The following EPN1 variants were observed in gnomAD, a reference collection of about 807,000 sequenced individuals.
EPN1 encodes epsin-1.
Under a neutral mutation model 56.9 loss-of-function variants are expected in EPN1, and 25 were observed. The observed-to-expected ratio is 0.44, with a 90% CI of 0.32 to 0.61. The LOEUF is 0.61. EPN1 is among the 20% of genes least tolerant of loss of function. The pLI is 0.05. For synonymous variants in EPN1, 411 were observed against 361.8 expected, an observed-to-expected ratio of 1.14 and a Z score of -1.54; for missense variants, 785 against 823.7, an observed-to-expected ratio of 0.95 and a Z score of 0.58.
At chr19:55,678,046 A>G (rs76206632) in intron 1 of EPN1, among the ~76,000 whole-genome samples, 11,997 of 152,284 alleles carry the variant, frequency 0.079, 627 homozygotes, top group East Asian at 0.29. Flanking sequence ...CCCCAGGGAT[A>G]GGTGACTGTG....
rs201565739 is a variant in EPN1, at chr19:55,691,935, C to T, written c.944C>T (p.Pro315Leu). 5,279 of 1,549,200 alleles carry T rather than the reference C, an allele frequency of 3.4e-3. 22 individuals carry two copies. Among genetic ancestry groups the T allele is most frequent in the Non-Finnish European group, 3.9e-3 (4,433 of 1,149,748 alleles). ...CCCTGGGGAGGTCCAGCCCCCACGC[C>T]GGCCTCTGGGGACCCCTGGAGGCCT... ...ADPWGGPAPT[P>L]ASGDPWRPAA... Residue 315 changes from proline to leucine, a missense_variant, in exon 7 of 11, where the codon CCG (proline) becomes CTG (leucine). This residue lies in a region of EPN1 where 650 missense variants were observed against 605.0 expected (regional missense o/e 1.07). Transcript: ENST00000270460. The surrounding 1 kb of genome is among the most constrained non-coding windows in gnomAD (Gnocchi z 5.6).
Position 55,691,377 on chromosome 19 carries a change from C to T in EPN1, c.763-377C>T, listed in dbSNP as rs566953358. ...CACGGTGGGCAGAGGGAGGATCGAG[C>T]TGCTTCGGGTCGAGCGAGGGGAGGG... On this transcript the variant is annotated intron_variant, in intron 6 of 10. Transcript: ENST00000270460. This position sits in a 1 kb window ranked among gnomAD's most constrained non-coding sequence, Gnocchi z 5.6. Among the ~76,000 whole-genome samples the T allele has an allele frequency of 3.3e-5, 5 of 152,152 alleles. No individual in the cohort carries two copies. Among genetic ancestry groups the T allele is most frequent in the Admixed American group, 6.5e-5 (1 of 15,286 alleles).
intron 2 of EPN1, among the ~76,000 whole-genome samples, chr19:55,681,191 T>C (rs1462491417): frequency 1.3e-5 from 2 of 152,222 alleles, no homozygotes; most frequent in Non-Finnish European, 2.9e-5. Context: ...CCTCCCTGCA[T>C]GGCCTTGGGG....
In EPN1 at chr19:55,697,254, A is replaced by G. The variant is rs1297834578; in HGVS notation, c.*1898A>G. On this transcript the variant is annotated 3_prime_UTR_variant, in exon 11 of 11. Transcript: ENST00000270460. ...TGGGGGAGCCCCACAGGGCACAGAG[A>G]GCCAGCTGAAGGCGGCAGCTCTGGG... The G allele has an allele frequency of 6.6e-6, 1 of 152,068 alleles. No homozygotes were observed. The highest frequency in any genetic ancestry group is 1.5e-5 in the Non-Finnish European group (1 of 68,018). The allele number at this position is 152,068 out of a possible 1,614,324, so 9.4% of individuals were successfully genotyped here. A position where few individuals can be genotyped will look rare whatever the true frequency, so the allele number is the denominator to read the frequency against.
Position 55,689,498 on chromosome 19 carries a change from C to T in EPN1, c.678+127C>T. 1 of 701,918 alleles carries T rather than the reference C, an allele frequency of 1.4e-6. No homozygotes were observed. Among genetic ancestry groups the T allele is most frequent in the South Asian group, 1.7e-5 (1 of 60,564 alleles). The allele number at this position is 701,918 out of a possible 1,614,324, so 43.5% of individuals were successfully genotyped here. On this transcript the variant is annotated intron_variant, in intron 5 of 10. Coordinates refer to ENST00000270460, the MANE Select transcript of EPN1 (RefSeq NM_001130072.2). This position sits in a 1 kb window ranked among gnomAD's most constrained non-coding sequence, Gnocchi z 5.7. The stretch of plus-strand genomic sequence containing the variant: ...GCCCACAGGCTCACGCGTGTTGAAA[C>T]CTCAGTACCTTCAGCCGTAGGATGT...
intron 3 of EPN1, among the ~76,000 whole-genome samples, chr19:55,686,686 C>T (rs947982120): frequency 1.3e-5 from 2 of 152,050 alleles, no homozygotes; most frequent in Middle Eastern, 3.4e-3. Context: ...AGTAGATGGG[C>T]GTGAACGCAG....
chr19:55,689,176 G>T lies in EPN1; in HGVS notation c.604-121G>T. On this transcript the variant is annotated intron_variant, in intron 4 of 10. Coordinates refer to ENST00000270460, the MANE Select transcript of EPN1 (RefSeq NM_001130072.2). This position sits in a 1 kb window ranked among gnomAD's most constrained non-coding sequence, Gnocchi z 5.7. ...TCCCTCTGCGTGTCACTCTCTGCCTGTCCCTCACTGGTTCAGGGACCCCCA... is the reference window on the plus strand; with the variant it reads ...TCCCTCTGCGTGTCACTCTCTGCCTTTCCCTCACTGGTTCAGGGACCCCCA... 2.7e-6 allele frequency: 3 copies of T among 1,125,518 alleles called. No individual in the cohort carries two copies. In the South Asian group the frequency reaches 4.4e-5, roughly 17 times the overall value. 69.7% of individuals were successfully genotyped at this position (1,125,518 alleles called of 1,614,324 possible). A position where few individuals can be genotyped will look rare whatever the true frequency, so the allele number is the denominator to read the frequency against.
At chr19:55,675,902 C>T (rs1380245765) in intron 1 of EPN1, among the ~76,000 whole-genome samples, 2 of 152,148 alleles carry the variant, frequency 1.3e-5, no homozygotes, top group African/African-American at 4.8e-5. Flanking sequence ...CCATACCTAT[C>T]ACCTCCAATC....
intron 2 of EPN1, among the ~76,000 whole-genome samples, chr19:55,680,476 T>C (rs1985737081): frequency 6.6e-6 from 1 of 152,168 alleles, no homozygotes; most frequent in Non-Finnish European, 1.5e-5. Context: ...GGGTTCCCGC[T>C]CCACCCTGAA....
Position 55,694,880 on chromosome 19 carries a change from A to G in EPN1, c.1419A>G (p.Ser473=). 1 of 1,603,118 alleles carries G rather than the reference A, an allele frequency of 6.2e-7. No individual in the cohort carries two copies. The highest frequency in any genetic ancestry group is 8.5e-7 in the Non-Finnish European group (1 of 1,175,198). ...CCCCCACCCGGAAGACGCCGGAGTC[A>G]TTCCTGGGGCCCAATGCAGCCCTCG... ...PTPPTRKTPE[S]FLGPNAALVD... is the part of the protein sequence containing the mutation. Residue 473 remains serine (S), a synonymous_variant, in exon 10 of 11, where the codon TCA becomes TCG. Transcript: ENST00000270460. This position sits in a 1 kb window ranked among gnomAD's most constrained non-coding sequence, Gnocchi z 4.2.
At position 55,701,578 on chromosome 19, in the gene EPN1, CAGAA is replaced by C. The variant is rs932444581; in HGVS notation, c.*6223_*6226del. ...GGACTATTCTGACCCCAGCAGTTCT[CAGAA>C]GGAGCTGACATTAATGAGAACTTCT... On this transcript the variant is annotated 3_prime_UTR_variant, in exon 11 of 11. Transcript: ENST00000270460. The C allele has an allele frequency of 2.0e-5, 3 of 152,080 alleles. No individual in the cohort carries two copies. Among genetic ancestry groups the C allele is most frequent in the African/African-American group, 7.2e-5 (3 of 41,410 alleles). 9.4% of individuals were successfully genotyped at this position (152,080 alleles called of 1,614,324 possible). A position where few individuals can be genotyped will look rare whatever the true frequency, so the allele number is the denominator to read the frequency against.
chr19:55,700,198 C>T lies in EPN1; in HGVS notation c.*4842C>T, dbSNP rs557921905. The T allele has an allele frequency of 2.0e-5, 3 of 147,764 alleles. No individual in the cohort carries two copies. The South Asian group carries it at 6.2e-4, about 31-fold the overall frequency. The allele number at this position is 147,764 out of a possible 1,614,324, so 9.2% of individuals were successfully genotyped here. ...TCGGCCTTCCAAAGTGTTGGGATTA[C>T]AGGCTTGAGCCACTGTGCCCGGCCC... On this transcript the variant is annotated 3_prime_UTR_variant, in exon 11 of 11. Transcript: ENST00000270460.
chr19:55,690,398 C>G (rs1180968803), intron 6 of EPN1, among the ~76,000 whole-genome samples: 1 of 152,258 alleles, frequency 6.6e-6, no homozygotes, highest in Non-Finnish European at 1.5e-5. Context: ...CCCTCGCGAA[C>G]ACTGTTTCTG....
Position 55,696,532 on chromosome 19 carries a change from T to C in EPN1, c.*1176T>C, listed in dbSNP as rs1986915981. The C allele has an allele frequency of 6.6e-6, 1 of 152,432 alleles. No individual in the cohort carries two copies. Among genetic ancestry groups the C allele is most frequent in the Non-Finnish European group, 1.5e-5 (1 of 68,220 alleles). 9.4% of individuals were successfully genotyped at this position (152,432 alleles called of 1,614,324 possible). A position where few individuals can be genotyped will look rare whatever the true frequency, so the allele number is the denominator to read the frequency against. On this transcript the variant is annotated 3_prime_UTR_variant, in exon 11 of 11. Transcript: ENST00000270460. Reference sequence around the variant, plus strand: ...GCTCCCTCAGTGACTCCGACAGCTCTTGTCTCAGAGGTGCTGGGGTGAAGG... The same window carrying C: ...GCTCCCTCAGTGACTCCGACAGCTCCTGTCTCAGAGGTGCTGGGGTGAAGG...
rs1042131531 is a variant in EPN1, at chr19:55,691,067, C to T, written c.763-687C>T. 3.9e-5 allele frequency among the ~76,000 whole-genome samples: 6 copies of T among 152,206 alleles called. No homozygotes were observed. Among genetic ancestry groups the T allele is most frequent in the Admixed American group, 3.3e-4 (5 of 15,286 alleles). ...CATGAGTATGTTGGGGGCATCTGCA[C>T]GTTCTGAGACGGGCTCTGGTTAGCT... On this transcript the variant is annotated intron_variant, in intron 6 of 10. Transcript: ENST00000270460. The surrounding 1 kb of genome is among the most constrained non-coding windows in gnomAD (Gnocchi z 5.6).
At chr19:55,677,687 T>C in intron 1 of EPN1, 2 of 1,550,936 alleles carry the variant, frequency 1.3e-6, no homozygotes, top group Non-Finnish European at 1.7e-6. Context: ...TCCGCTATCC[T>C]TGGGACGTCT....
chr19:55,692,911 G>A (rs886716933), intron 8 of EPN1, 40 bp from the exon 9 acceptor site: 2 of 1,609,760 alleles, frequency 1.2e-6, no homozygotes, highest in Admixed American at 3.3e-5. Flanking sequence ...CTGAGGCGGG[G>A]CCCCAGGGAG....
Position 55,699,007 on chromosome 19 carries a change from G to A in EPN1, c.*3651G>A, listed in dbSNP as rs1987020967. On this transcript the variant is annotated 3_prime_UTR_variant, in exon 11 of 11. Transcript: ENST00000270460. ...GATCCGCCTGCCTCGGCCTCCCAAA[G>A]TGCTGGGATTACAGGCGTGAGCCAC... The A allele has an allele frequency of 6.6e-6, 1 of 152,208 alleles. No individual in the cohort carries two copies. The highest frequency in any genetic ancestry group is 1.5e-5 in the Non-Finnish European group (1 of 68,062). The allele number at this position is 152,208 out of a possible 1,614,324, so 9.4% of individuals were successfully genotyped here. A position where few individuals can be genotyped will look rare whatever the true frequency, so the allele number is the denominator to read the frequency against.
chr19:55,675,479 C>T (rs1029993898), intron 1 of EPN1, 44 bp downstream of exon 1: 3 of 152,230 alleles, frequency 2.0e-5, no homozygotes, highest in African/African-American at 7.2e-5. Flanking sequence ...CCGCCTGCTC[C>T]GGGTGTTCGG....
Sources: gnomAD v4.1 joint callset for allele counts (sites outside exome capture counted in the v4.1 genomes callset) on GRCh38, gnomAD v4.1.1 for gene constraint, gnomAD v4.1.1 regional missense constraint, Gnocchi (gnomAD v3.1) non-coding constraint, MANE v1.5 for transcripts, NCBI Gene and HGNC (gene_info 2026-07-23, HGNC 2026-07-21) for gene names.